Variants in CTNNA2 observed in about 807,000 individuals in gnomAD.
CTNNA2 encodes catenin alpha-2.
Under a neutral mutation model 101.0 loss-of-function variants are expected in CTNNA2, and 42 were observed. The ratio of observed to expected loss-of-function variants is 0.42; its 90% confidence interval spans 0.32 to 0.54. The LOEUF is 0.54. CTNNA2 is among the 20% of genes least tolerant of loss of function. The pLI, the probability that CTNNA2 is intolerant of heterozygous loss-of-function variation, is 0.14. For missense variants in CTNNA2, 871 were observed against 1,223.1 expected (o/e 0.71, Z 4.29); for synonymous variants, 450 against 456.4 (o/e 0.99, Z 0.18).
chr2:80,295,387 A>T (rs1440928787), intron 7 of CTNNA2, among the ~76,000 whole-genome samples: 2 of 152,028 alleles, frequency 1.3e-5, no homozygotes, highest in Non-Finnish European at 2.9e-5. Flanking sequence ...GAGCTTTCTC[A>T]TCTTCTCCTC....
At chr2:80,528,261 T>A (rs932471462) in intron 9 of CTNNA2, among the ~76,000 whole-genome samples, 1 of 152,162 alleles carries the variant, frequency 6.6e-6, no homozygotes, top group African/African-American at 2.4e-5. Flanking sequence ...AGTGGCGTGA[T>A]CTTGGCTCAC....
intron 2 of CTNNA2, among the ~76,000 whole-genome samples, chr2:79,287,909 G>A (rs1314563351): frequency 6.6e-6 from 1 of 152,256 alleles, no homozygotes; most frequent in Non-Finnish European, 1.5e-5. Context: ...GACTCCACGG[G>A]CGTCGGACCC....
intron 2 of CTNNA2, among the ~76,000 whole-genome samples, chr2:79,738,649 G>A (rs1671071774): frequency 6.6e-6 from 1 of 152,154 alleles, no homozygotes; most frequent in Non-Finnish European, 1.5e-5. Flanking sequence ...ATTTCCAGGA[G>A]GAAGTGGAAT....
At chr2:79,272,159 G>T (rs1266998372) in intron 2 of CTNNA2, among the ~76,000 whole-genome samples, 1 of 151,988 alleles carries the variant, frequency 6.6e-6, no homozygotes. Flanking sequence ...GATATTATCT[G>T]TTCAAATCAC....
intron 1 of CTNNA2, among the ~76,000 whole-genome samples, chr2:79,576,863 G>A (rs1675831656): frequency 1.3e-5 from 2 of 152,102 alleles, no homozygotes. Flanking sequence ...ACTTTACTAT[G>A]GATCATTTGA....
intron 8 of CTNNA2, among the ~76,000 whole-genome samples, chr2:80,397,334 C>G (rs1011212127): frequency 6.6e-6 from 1 of 152,194 alleles, no homozygotes; most frequent in African/African-American, 2.4e-5. Context: ...CACACTAGCT[C>G]TAAAAGATTG....
At chr2:79,951,807 C>T (rs1055740101) in intron 7 of CTNNA2, among the ~76,000 whole-genome samples, 22 of 152,358 alleles carry the variant, frequency 1.4e-4, no homozygotes, top group South Asian at 2.1e-4. Context: ...CTTGAATCGT[C>T]TTTCATTTCC....
At chr2:80,142,472 C>G (rs1373517469) in intron 7 of CTNNA2, among the ~76,000 whole-genome samples, 1 of 151,966 alleles carries the variant, frequency 6.6e-6, no homozygotes, top group South Asian at 2.1e-4. Context: ...TGAGGAGCAA[C>G]AAGAACTGTT....
intron 4 of CTNNA2, among the ~76,000 whole-genome samples, chr2:79,454,590 A>G (rs115276564): frequency 6.6e-6 from 1 of 152,170 alleles, no homozygotes; most frequent in South Asian, 2.1e-4. Flanking sequence ...TCAAAATATT[A>G]TCATGGTAAC....
In CTNNA2 at chr2:80,234,081, C is replaced by G. The variant is rs553965071; in HGVS notation, c.1057-159130C>G. Among the ~76,000 whole-genome samples the G allele has an allele frequency of 4.6e-5, 7 of 151,540 alleles. No individual in the cohort carries two copies. The East Asian group carries it at 9.7e-4, about 21-fold the overall frequency. On this transcript the variant is annotated intron_variant, in intron 7 of 18. Transcript: ENST00000402739. ...TTTTTTTTTGAGATGGCATCTCACT[C>G]TGTCGCCCAGGCTGGAATGCAGTGG...
At chr2:79,879,409 C>T (rs954200481) in intron 6 of CTNNA2, among the ~76,000 whole-genome samples, 1 of 152,032 alleles carries the variant, frequency 6.6e-6, no homozygotes, top group Non-Finnish European at 1.5e-5. Context: ...TTACTCTGGG[C>T]AGTATGGCCA....
chr2:79,966,528 GC>G (rs780448289), intron 7 of CTNNA2, among the ~76,000 whole-genome samples: 1 of 152,150 alleles, frequency 6.6e-6, no homozygotes, highest in Non-Finnish European at 1.5e-5. Flanking sequence ...TAGCCTCTGT[GC>G]CTGGCCTGTA....
At chr2:79,229,820 G>T (rs1371548860) in intron 2 of CTNNA2, among the ~76,000 whole-genome samples, 3 of 152,244 alleles carry the variant, frequency 2.0e-5, no homozygotes, top group Admixed American at 1.3e-4. Flanking sequence ...GGTGGAATCA[G>T]AGAGAAATGA....
At chr2:80,352,596 A>C (rs1038679396) in intron 7 of CTNNA2, among the ~76,000 whole-genome samples, 1 of 152,106 alleles carries the variant, frequency 6.6e-6, no homozygotes, top group Non-Finnish European at 1.5e-5. Context: ...TTAAGTAAAT[A>C]CTTTGCTTCT....
intron 11 of CTNNA2, among the ~76,000 whole-genome samples, chr2:80,548,986 G>GT (rs1692330411): frequency 6.6e-6 from 1 of 152,054 alleles, no homozygotes; most frequent in South Asian, 2.1e-4. Flanking sequence ...AAAGATTGTA[G>GT]TTTTTTTAAT....
chr2:79,261,846 G>A (rs2104287594), intron 2 of CTNNA2, among the ~76,000 whole-genome samples: 1 of 152,326 alleles, frequency 6.6e-6, no homozygotes, highest in Middle Eastern at 3.4e-3. Context: ...AGCAGAGATA[G>A]GGAAAGGTAT....
intron 9 of CTNNA2, among the ~76,000 whole-genome samples, chr2:80,536,357 T>A (rs2149606100): frequency 6.6e-6 from 1 of 152,308 alleles, no homozygotes; most frequent in South Asian, 2.1e-4. Context: ...TTGAATTTAT[T>A]TAAATAAATT....
chr2:79,288,069 G>A lies in CTNNA2; in HGVS notation c.-405-24640G>A, dbSNP rs185878326. 2.8e-4 allele frequency among the ~76,000 whole-genome samples: 42 copies of A among 152,294 alleles called. 1 individual carries two copies. The highest frequency in any genetic ancestry group is 7.9e-4 in the African/African-American group (33 of 41,588). ...GAAAGGGAACTCCCTGACCCCTTGC[G>A]CTTGCCAAGTGAGGCAATGCCTCGC... On this transcript the variant is annotated intron_variant, in intron 2 of 21. Coordinates refer to the CTNNA2 transcript ENST00000466387.
At chr2:80,481,992 A>T (rs1686187813) in intron 9 of CTNNA2, among the ~76,000 whole-genome samples, 1 of 152,178 alleles carries the variant, frequency 6.6e-6, no homozygotes, top group Non-Finnish European at 1.5e-5. Flanking sequence ...ACTTCCAGTA[A>T]ATAGATCTCA....
Sources: allele counts gnomAD v4.1 joint callset (sites outside exome capture counted in the v4.1 genomes callset), GRCh38; gene constraint gnomAD v4.1.1; transcripts MANE v1.5; gene names NCBI Gene and HGNC (gene_info 2026-07-23, HGNC 2026-07-21).